Variants in FKBP4 observed in about 807,000 individuals in gnomAD.
FKBP4 encodes the protein peptidyl-prolyl cis-trans isomerase FKBP4.
Under a neutral mutation model 54.1 loss-of-function variants are expected in FKBP4, and 28 were observed. The ratio of observed to expected loss-of-function variants is 0.52; its 90% CI spans 0.38 to 0.71. The LOEUF is 0.71. Ranked by LOEUF, FKBP4 falls within the 30% of genes least tolerant of loss-of-function variation. The pLI is 0.00. For missense variants in FKBP4, 493 were observed against 574.4 expected, an observed-to-expected ratio of 0.86 and a Z score of 1.45; for synonymous variants, 223 against 216.1, an observed-to-expected ratio of 1.03 and a Z score of -0.28.
chr12:2,800,979 C>A lies in FKBP4; in HGVS notation c.1033-138C>A, dbSNP rs1363152878. 7 of 1,118,002 alleles carry A rather than the reference C, an allele frequency of 6.3e-6. No homozygotes were observed. The Admixed American group carries it at 1.3e-4, about 21-fold the overall frequency. 69.3% of individuals were successfully genotyped at this position (1,118,002 alleles called of 1,614,324 possible). A position where few individuals can be genotyped will look rare whatever the true frequency, so the allele number is the denominator to read the frequency against. ...GGATTGTTCCATTTAATGCCTCAGG[C>A]CTTGTTCTTCCTGGGGTGCAGCCAG... On this transcript the variant is annotated intron_variant, in intron 8 of 9. Coordinates refer to ENST00000001008, the MANE Select transcript of FKBP4 (RefSeq NM_002014.4).
In FKBP4 at chr12:2,805,175, A is replaced by G. The variant is rs907439660; in HGVS notation, c.*1917A>G. 2 of 455,922 alleles carry G rather than the reference A, an allele frequency of 4.4e-6. No homozygotes were observed. The highest frequency in any genetic ancestry group is 8.8e-6 in the Non-Finnish European group (2 of 226,808). The allele number at this position is 455,922 out of a possible 1,614,324, so 28.2% of individuals were successfully genotyped here. On this transcript the variant is annotated 3_prime_UTR_variant, in exon 10 of 10. Transcript: ENST00000001008. ...TAATAACCCTATTTACAGATAAGAA[A>G]ACCAAGACTCAGAAGTTAAATGGAA... is the stretch of plus-strand genomic sequence containing the variant.
rs1305938880 is a variant in FKBP4 at position 2,800,505 on chromosome 12, C to G, written c.960C>G (p.Ala320=). Residue 320 remains alanine (A), a synonymous_variant, in exon 8 of 10, where the codon GCC becomes GCG. Transcript: ENST00000001008. The part of the protein sequence containing the change: ...EAQKAQALRL[A]SHLNLAMCHL... ...AGAAAGCACAGGCCCTTCGACTGGC[C>G]TCTCACCTCAACCTGGCCATGTGTC... 11 of 1,614,186 alleles carry G rather than the reference C, an allele frequency of 6.8e-6. No homozygotes were observed. Among genetic ancestry groups the G allele is most frequent in the Non-Finnish European group, 9.3e-6 (11 of 1,180,044 alleles).
At chr12:2,797,595 C>T (rs2097902609) in intron 2 of FKBP4, 134 bp from the exon 3 acceptor site, 2 of 1,082,556 alleles carry the variant, frequency 1.8e-6, no homozygotes, top group South Asian at 1.6e-5. Flanking sequence ...CAACCAGGTA[C>T]CTCACCTTCT....
rs1028632290 is a variant in FKBP4 at position 2,795,838 on chromosome 12, C to T, written c.105+594C>T. The T allele has an allele frequency of 3.6e-5, 19 of 531,804 alleles. No homozygotes were observed. The highest frequency in any genetic ancestry group is 3.5e-4 in the African/African-American group (17 of 48,696). 32.9% of individuals were successfully genotyped at this position (531,804 alleles called of 1,614,324 possible). ...CCCTCCCGGGGTCCCCTGCCGACGC[C>T]GGGACCCAGCGAGGTCCCCACTCGC... On this transcript the variant is annotated intron_variant, in intron 1 of 9. Transcript: ENST00000001008. This position sits in a 1 kb window ranked among gnomAD's most constrained non-coding sequence, Gnocchi z 4.3.
Position 2,805,029 on chromosome 12 carries a change from C to A in FKBP4, c.*1771C>A. 2 of 317,340 alleles carry A rather than the reference C, an allele frequency of 6.3e-6. No individual in the cohort carries two copies. The highest frequency in any genetic ancestry group is 5.0e-5 in the South Asian group (2 of 39,788). The allele number at this position is 317,340 out of a possible 1,614,324, so 19.7% of individuals were successfully genotyped here. On this transcript the variant is annotated 3_prime_UTR_variant, in exon 10 of 10. Transcript: ENST00000001008. ...GTATTTCAAAAGTAGTAGATTCTTA[C>A]GCCTGCAGCCAACAATAATCACTAA...
Position 2,798,895 on chromosome 12 carries a change from A to G in FKBP4, c.514+69A>G. On this transcript the variant is annotated intron_variant, in intron 4 of 9. Transcript: ENST00000001008. This position sits in a 1 kb window ranked among gnomAD's most constrained non-coding sequence, Gnocchi z 4.3. ...TAGGCCTTGTGTGGCTTTGGGCAAGACACTTCCGTTCTCCGAGCCTATCTT... is the reference window on the plus strand; with the variant it reads ...TAGGCCTTGTGTGGCTTTGGGCAAGGCACTTCCGTTCTCCGAGCCTATCTT... 1 of 1,547,514 alleles carries G rather than the reference A, an allele frequency of 6.5e-7. No homozygotes were observed. Among genetic ancestry groups the G allele is most frequent in the Non-Finnish European group, 8.9e-7 (1 of 1,123,426 alleles).
chr12:2,803,447 T>C lies in FKBP4; in HGVS notation c.*189T>C. 1.7e-6 allele frequency: 1 copy of C among 576,650 alleles called. No homozygotes were observed. 35.7% of individuals were successfully genotyped at this position (576,650 alleles called of 1,614,324 possible). On this transcript the variant is annotated 3_prime_UTR_variant, in exon 10 of 10. Coordinates refer to ENST00000001008, the MANE Select transcript of FKBP4 (RefSeq NM_002014.4). Reference sequence around the variant, plus strand: ...GATTGAGGTGGGGAATCATTTTAGCTGGTGTCAGCCCCTCTTCCCTTCCTC... The same window carrying C: ...GATTGAGGTGGGGAATCATTTTAGCCGGTGTCAGCCCCTCTTCCCTTCCTC...
Position 2,798,579 on chromosome 12 carries a change from C to A in FKBP4, c.394-127C>A. On this transcript the variant is annotated intron_variant, in intron 3 of 9. Coordinates refer to ENST00000001008, the MANE Select transcript of FKBP4 (RefSeq NM_002014.4). The surrounding 1 kb of genome is among the most constrained non-coding windows in gnomAD (Gnocchi z 4.3). ...AAAAAAAGTGCCACTCTACCCAACT[C>A]CTTGTGACTGCCCTTGTGGTCAGAT... 1 of 1,520,008 alleles carries A rather than the reference C, an allele frequency of 6.6e-7. No homozygotes were observed. Among genetic ancestry groups the A allele is most frequent in the Non-Finnish European group, 9.0e-7 (1 of 1,116,484 alleles). The allele number at this position is 1,520,008 out of a possible 1,614,324, so 94.2% of individuals were successfully genotyped here. A position where few individuals can be genotyped will look rare whatever the true frequency, so the allele number is the denominator to read the frequency against.
In FKBP4 at chr12:2,800,514, C is replaced by T; in HGVS notation, c.969C>T (p.Leu323=). 6.2e-7 allele frequency: 1 copy of T among 1,614,164 alleles called. No homozygotes were observed. The highest frequency in any genetic ancestry group is 1.1e-5 in the South Asian group (1 of 91,084). The part of the protein sequence containing the change: ...KAQALRLASH[L]NLAMCHLKLQ... ...AGGCCCTTCGACTGGCCTCTCACCT[C>T]AACCTGGCCATGTGTCATCTGAAAC... Residue 323 remains leucine, a synonymous_variant, in exon 8 of 10, where the codon CTC becomes CTT. Coordinates refer to ENST00000001008, the MANE Select transcript of FKBP4 (RefSeq NM_002014.4).
rs1355549786 is a variant in FKBP4, at chr12:2,803,996, G to C, written c.*738G>C. On this transcript the variant is annotated 3_prime_UTR_variant, in exon 10 of 10. Transcript: ENST00000001008. ...AGCCTTGGAGTGGTGGGTATGGGTG[G>C]GTACATAATGGGTAGTAGCACAATC... 1 of 152,654 alleles carries C rather than the reference G, an allele frequency of 6.6e-6. No individual in the cohort carries two copies. Among genetic ancestry groups the C allele is most frequent in the Non-Finnish European group, 1.5e-5 (1 of 68,082 alleles). The allele number at this position is 152,654 out of a possible 1,614,324, so 9.5% of individuals were successfully genotyped here. A position where few individuals can be genotyped will look rare whatever the true frequency, so the allele number is the denominator to read the frequency against.
Position 2,797,972 on chromosome 12 carries a change from G to A in FKBP4, c.393+101G>A, listed in dbSNP as rs1207356837. The A allele has an allele frequency of 2.8e-6, 4 of 1,434,212 alleles. No homozygotes were observed. In the African/African-American group the frequency reaches 5.6e-5, roughly 20 times the overall value. 88.8% of individuals were successfully genotyped at this position (1,434,212 alleles called of 1,614,324 possible). A position where few individuals can be genotyped will look rare whatever the true frequency, so the allele number is the denominator to read the frequency against. On this transcript the variant is annotated intron_variant, in intron 3 of 9. Transcript: ENST00000001008. ...CTTCCTGCTTCTTGGAGACAATGTA[G>A]CCAAGGCTGAGGGTCTGGCCTTATG...
intron 9 of FKBP4, among the ~76,000 whole-genome samples, chr12:2,802,269 C>T (rs1210669225): frequency 6.6e-6 from 1 of 152,196 alleles, no homozygotes; most frequent in African/African-American, 2.4e-5. Context: ...TCCCGAGTAG[C>T]TGGGATTACA....
At chr12:2,801,048 C>G in intron 8 of FKBP4, 69 bp from the exon 9 acceptor site, 1 of 1,588,918 alleles carries the variant, frequency 6.3e-7, no homozygotes, top group Admixed American at 1.8e-5. Context: ...ACCTTTGGAA[C>G]CCAGTCTAGG....
intron 1 of FKBP4, chr12:2,796,113 C>G: frequency 8.2e-7 from 1 of 1,216,022 alleles, no homozygotes; most frequent in South Asian, 1.5e-5. Flanking sequence ...CAGGGAGAAT[C>G]AGAGATGGTG....
At position 2,803,228 on chromosome 12, in the gene FKBP4, G is replaced by T. The variant is rs1157155625; in HGVS notation, c.1350G>T (p.Gly450=). The change falls in exon 10 of 10, where the codon GGG becomes GGT. Residue 450 remains glycine (G), a synonymous_variant. Transcript: ENST00000001008. ...MKEEQKSNTA[G]SQSQVETEA ...AGGAGCAGAAGAGCAACACGGCAGG[G>T]AGCCAGTCTCAGGTGGAGACAGAAG... The T allele has an allele frequency of 6.3e-7, 1 of 1,598,418 alleles. No homozygotes were observed. Among genetic ancestry groups the T allele is most frequent in the South Asian group, 1.1e-5 (1 of 88,422 alleles).
In FKBP4 at chr12:2,797,219, G is replaced by T; in HGVS notation, c.187G>T (p.Asp63Tyr). The change falls in exon 2 of 10, where the codon GAT becomes TAT. Residue 63 changes from aspartate (D) to tyrosine (Y), a missense_variant. Transcript: ENST00000001008. ...VFVHYTGWLL[D>Y]GTKFDSSLDR... is the part of the protein sequence containing the mutation. The stretch of plus-strand genomic sequence containing the variant: ...TGTCCACTACACTGGCTGGCTATTA[G>T]ATGGCACAAAGTTTGACTCCAGTCT... 6.2e-7 allele frequency: 1 copy of T among 1,613,934 alleles called. No homozygotes were observed. Among genetic ancestry groups the T allele is most frequent in the Non-Finnish European group, 8.5e-7 (1 of 1,179,866 alleles).
At position 2,803,148 on chromosome 12, in the gene FKBP4, C is replaced by T. The variant is rs2097905774; in HGVS notation, c.1273-3C>T. On this transcript the variant is annotated splice_polypyrimidine_tract_variant and splice_region_variant and intron_variant, in intron 9 of 9. Transcript: ENST00000001008. Reference sequence around the variant, plus strand: ...GCCCGTTTGCTGTTCATCTTCCTTGCAGGCCAAGGCAGAGGCTTCCTCAGG... The same window carrying T: ...GCCCGTTTGCTGTTCATCTTCCTTGTAGGCCAAGGCAGAGGCTTCCTCAGG... 3.8e-6 allele frequency: 6 copies of T among 1,595,642 alleles called. No individual in the cohort carries two copies. In the African/African-American group the frequency reaches 8.1e-5, roughly 21 times the overall value.
At chr12:2,800,666 A>T (rs1163491788) in intron 8 of FKBP4, 89 bp downstream of exon 8, 5 of 1,343,874 alleles carry the variant, frequency 3.7e-6, no homozygotes, top group Non-Finnish European at 5.0e-6. Flanking sequence ...CTTGGTGACT[A>T]GGGCAGGGAT....
chr12:2,795,786 C>T lies in FKBP4; in HGVS notation c.105+542C>T. 1.6e-5 allele frequency: 3 copies of T among 191,572 alleles called. No homozygotes were observed. The highest frequency in any genetic ancestry group is 2.9e-5 in the Non-Finnish European group (3 of 103,676). The allele number at this position is 191,572 out of a possible 1,614,324, so 11.9% of individuals were successfully genotyped here. Reference sequence around the variant, plus strand: ...CTTTCCTGGCCCTTCGGCCTTTGTGCGACGCAGGCGCGACAGGGTTCCGGC... The same window carrying T: ...CTTTCCTGGCCCTTCGGCCTTTGTGTGACGCAGGCGCGACAGGGTTCCGGC... On this transcript the variant is annotated intron_variant, in intron 1 of 9. Transcript: ENST00000001008. This position sits in a 1 kb window ranked among gnomAD's most constrained non-coding sequence, Gnocchi z 4.3.
Sources: gnomAD v4.1 joint callset for allele counts (sites outside exome capture counted in the v4.1 genomes callset) on GRCh38, gnomAD v4.1.1 for gene constraint, Gnocchi (gnomAD v3.1) non-coding constraint, MANE v1.5 for transcripts, NCBI Gene and HGNC (gene_info 2026-07-23, HGNC 2026-07-21) for gene names.